The following GPC6 variants were observed in gnomAD, a reference collection of about 807,000 sequenced individuals.
GPC6 encodes glypican-6.
A neutral mutation model predicts 55.2 loss-of-function variants in GPC6; 14 were observed. That is an observed-to-expected ratio of 0.25 (90% CI 0.17 to 0.40). The LOEUF (loss-of-function observed/expected upper bound fraction) is 0.40, where lower values mean the gene tolerates loss of function less well. GPC6 is among the 10% of genes least tolerant of loss of function. The pLI, the probability that GPC6 is intolerant of heterozygous loss-of-function variation, is 1.00. For missense variants in GPC6, 641 were observed against 708.5 expected, an observed-to-expected ratio of 0.90 and a Z score of 1.08; for synonymous variants, 278 against 259.6, an observed-to-expected ratio of 1.07 and a Z score of -0.68.
At chr13:93,612,544 A>ACACACACACACACAC (rs1555316453) in intron 2 of GPC6, among the ~76,000 whole-genome samples, 1 of 71,080 alleles carries the variant, frequency 1.4e-5, no homozygotes, top group East Asian at 3.6e-4. Context: ...CACACACACA[A>ACACACACACACACAC]ACTTCATGTG....
intron 1 of GPC6, among the ~76,000 whole-genome samples, chr13:93,248,238 G>A (rs1876667852): frequency 6.6e-6 from 1 of 151,980 alleles, no homozygotes; most frequent in African/African-American, 2.4e-5. Flanking sequence ...TTTTACAACT[G>A]GAATAACAAT....
chr13:93,503,341 C>G (rs1374692165), intron 1 of GPC6, among the ~76,000 whole-genome samples: 1 of 152,182 alleles, frequency 6.6e-6, no homozygotes, highest in East Asian at 1.9e-4. Context: ...TTTAGGGCAG[C>G]AGTTAGCACA....
intron 4 of GPC6, among the ~76,000 whole-genome samples, chr13:94,080,085 A>G (rs966247519): frequency 6.6e-6 from 1 of 152,332 alleles, no homozygotes; most frequent in East Asian, 1.9e-4. Flanking sequence ...AGAATCCCAA[A>G]GAGATTTCAT....
chr13:94,370,460 T>G (rs1199070954), intron 6 of GPC6, among the ~76,000 whole-genome samples: 1 of 152,230 alleles, frequency 6.6e-6, no homozygotes, highest in African/African-American at 2.4e-5. Flanking sequence ...AAGTCATATT[T>G]TGCATTCCCA....
intron 4 of GPC6, among the ~76,000 whole-genome samples, chr13:94,209,522 A>G (rs984800534): frequency 1.3e-5 from 2 of 152,236 alleles, no homozygotes; most frequent in African/African-American, 4.8e-5. Flanking sequence ...TCCTGCAGAA[A>G]TACGCCATAA....
intron 1 of GPC6, among the ~76,000 whole-genome samples, chr13:93,260,333 C>T (rs1018692300): frequency 2.5e-4 from 38 of 151,872 alleles, no homozygotes; most frequent in African/African-American, 7.7e-4. Flanking sequence ...TTATTAATAC[C>T]ATTCATTTTG....
chr13:94,300,840 CTTCTG>C (rs1311877660), intron 5 of GPC6, among the ~76,000 whole-genome samples: 1 of 152,162 alleles, frequency 6.6e-6, no homozygotes, highest in Non-Finnish European at 1.5e-5. Flanking sequence ...CCTCTAAAAA[CTTCTG>C]TTCTGTTGTA....
intron 6 of GPC6, among the ~76,000 whole-genome samples, chr13:94,352,583 A>G (rs1038923653): frequency 6.6e-6 from 1 of 151,958 alleles, no homozygotes. Context: ...TCTGCTGGCT[A>G]GTCCAGAGCT....
At chr13:93,436,621 C>A (rs1417806263) in intron 1 of GPC6, among the ~76,000 whole-genome samples, 2 of 151,922 alleles carry the variant, frequency 1.3e-5, no homozygotes, top group Non-Finnish European at 2.9e-5. Flanking sequence ...GTTTTAATTC[C>A]ATGTATACTT....
upstream of GPC6, among the ~76,000 whole-genome samples, chr13:93,223,603 C>G (rs894820869): frequency 1.3e-5 from 2 of 151,954 alleles, no homozygotes; most frequent in Non-Finnish European, 2.9e-5. Context: ...ACCATCACAC[C>G]AGCGAATTTT....
intron 3 of GPC6, among the ~76,000 whole-genome samples, chr13:93,859,665 G>C (rs1030054199): frequency 1.3e-5 from 2 of 150,084 alleles, no homozygotes; most frequent in African/African-American, 4.9e-5. Flanking sequence ...TTTTTGGGGA[G>C]AGCGGGGAGC....
At chr13:93,644,662 T>G (rs896650027) in intron 2 of GPC6, among the ~76,000 whole-genome samples, 1 of 151,986 alleles carries the variant, frequency 6.6e-6, no homozygotes, top group African/African-American at 2.4e-5. Flanking sequence ...ATGAATTTTA[T>G]AAAAATAATG....
At chr13:94,246,230 T>G (rs913866261) in intron 4 of GPC6, among the ~76,000 whole-genome samples, 3 of 152,150 alleles carry the variant, frequency 2.0e-5, no homozygotes, top group African/African-American at 7.2e-5. Context: ...GTTACTGAAT[T>G]GTATTGGCTC....
intron 4 of GPC6, among the ~76,000 whole-genome samples, chr13:94,264,618 G>C (rs1891741651): frequency 6.6e-6 from 1 of 152,222 alleles, no homozygotes; most frequent in Non-Finnish European, 1.5e-5. Context: ...GGCAAGTATA[G>C]AGATAATCAA....
At chr13:94,093,011 T>C (rs1885546230) in intron 4 of GPC6, among the ~76,000 whole-genome samples, 1 of 152,136 alleles carries the variant, frequency 6.6e-6, no homozygotes, top group Admixed American at 6.6e-5. Context: ...ATATTTGGGA[T>C]AGGAATCCCT....
At chr13:93,517,736 G>A (rs1380064061) in intron 1 of GPC6, among the ~76,000 whole-genome samples, 1 of 151,932 alleles carries the variant, frequency 6.6e-6, no homozygotes, top group African/African-American at 2.4e-5. Context: ...ATCTTGGCAT[G>A]TACTACAGCA....
At chr13:93,653,145 A>G (rs1880492119) in intron 2 of GPC6, among the ~76,000 whole-genome samples, 1 of 152,158 alleles carries the variant, frequency 6.6e-6, no homozygotes, top group Non-Finnish European at 1.5e-5. Flanking sequence ...AATATGATGA[A>G]TGCTGTCAGT....
At chr13:93,572,942 G>A (rs1876477739) in intron 2 of GPC6, among the ~76,000 whole-genome samples, 1 of 152,124 alleles carries the variant, frequency 6.6e-6, no homozygotes, top group Non-Finnish European at 1.5e-5. Context: ...AAAGATAGCA[G>A]GTCAGTTAAG....
chr13:93,797,187 C>T (rs1886223820), intron 2 of GPC6, among the ~76,000 whole-genome samples: 1 of 124,686 alleles, frequency 8.0e-6, no homozygotes, highest in Non-Finnish European at 1.8e-5. Context: ...TTTTTATTCC[C>T]TTTGCCTAGG....
Sources: gnomAD v4.1 joint callset for allele counts (sites outside exome capture counted in the v4.1 genomes callset) on GRCh38, gnomAD v4.1.1 for gene constraint, MANE v1.5 for transcripts, NCBI Gene and HGNC (gene_info 2026-07-23, HGNC 2026-07-21) for gene names.